PHOSPHO2: variants seen among roughly 807,000 people sequenced by gnomAD.
PHOSPHO2 encodes the protein phosphatase, orphan 2.
Under a neutral mutation model 16.4 loss-of-function variants are expected in PHOSPHO2, and 14 were observed. The ratio of observed to expected loss-of-function variants is 0.85; its 90% CI spans 0.56 to 1.33. The LOEUF is 1.33. PHOSPHO2 is among the 40% of genes most tolerant of loss of function. The pLI, the probability that PHOSPHO2 is intolerant of heterozygous loss-of-function variation, is 0.00. For missense variants in PHOSPHO2, 246 were observed against 282.5 expected (o/e 0.87, Z 0.93); for synonymous variants, 85 against 90.5 (o/e 0.94, Z 0.34).
At chr2:169,697,078 C>T (rs946024166) in intron 2 of PHOSPHO2, among the ~76,000 whole-genome samples, 2 of 151,560 alleles carry the variant, frequency 1.3e-5, no homozygotes, top group East Asian at 1.9e-4. Context: ...TGCAGTGGCG[C>T]GATCTCGGCT....
At chr2:169,698,043 T>TA (rs1160256318) in intron 3 of PHOSPHO2, 1 of 152,228 alleles carries the variant, frequency 6.6e-6, no homozygotes, top group Non-Finnish European at 1.5e-5. Flanking sequence ...ACAGAATACT[T>TA]AGTCTTATGT....
chr2:169,699,505 A>T (rs1047791648), intron 3 of PHOSPHO2, among the ~76,000 whole-genome samples: 1 of 152,318 alleles, frequency 6.6e-6, no homozygotes, highest in East Asian at 1.9e-4. Flanking sequence ...TATCTTTATA[A>T]TAGAATGATT....
At chr2:169,695,270 A>G (rs1008972487) in intron 2 of PHOSPHO2, 23 bp downstream of exon 2, 3 of 152,250 alleles carry the variant, frequency 2.0e-5, no homozygotes, top group African/African-American at 7.2e-5. Flanking sequence ...TAATTAAGAA[A>G]ATATTTGAAG....
rs1687434572 is a variant in PHOSPHO2 at position 169,694,581 on chromosome 2, G to T, written c.-272G>T. ...CGAGGCCAAAGGACTGAACCCGCAG[G>T]AGCGTCACGGGCGCCGGGGCGGCTG... On this transcript the variant is annotated 5_prime_UTR_variant, in exon 1 of 4. Coordinates refer to ENST00000359744, the MANE Select transcript of PHOSPHO2 (RefSeq NM_001008489.4). The T allele has an allele frequency of 8.7e-6, 5 of 571,644 alleles. No homozygotes were observed. The South Asian group carries it at 1.0e-4, about 12-fold the overall frequency. The allele number at this position is 571,644 out of a possible 1,614,324, so 35.4% of individuals were successfully genotyped here.
chr2:169,701,470 C>T lies in PHOSPHO2; in HGVS notation c.499C>T (p.Gln167Ter), dbSNP rs1241121380. The T allele has an allele frequency of 6.2e-7, 1 of 1,612,484 alleles. No individual in the cohort carries two copies. Among genetic ancestry groups the T allele is most frequent in the Non-Finnish European group, 8.5e-7 (1 of 1,179,546 alleles). Residue 167 changes from glutamine to a stop codon, truncating the protein, a stop_gained, in exon 4 of 4, where the codon CAG (glutamine) becomes TAG (stop). Transcript: ENST00000359744. LOFTEE classifies it high-confidence loss of function. ...AGAATTTGTAGATAAACAGTTACAACAGGGAGTGAATTATACACAAATTGT... is the reference window on the plus strand; with the variant it reads ...AGAATTTGTAGATAAACAGTTACAATAGGGAGTGAATTATACACAAATTGT... The part of the protein sequence containing the change: ...LIEFVDKQLQ[Q>*]GVNYTQIVYI...
intron 3 of PHOSPHO2, among the ~76,000 whole-genome samples, chr2:169,698,470 A>G (rs939456982): frequency 2.0e-5 from 3 of 152,176 alleles, no homozygotes; most frequent in Non-Finnish European, 4.4e-5. Flanking sequence ...TCCAGCTTAT[A>G]TATCTTTAAG....
rs531031855 is a variant in PHOSPHO2, at chr2:169,699,803, T to C, written c.-26-1143T>C. Reference sequence around the variant, plus strand: ...AGTGATGTTGAGCTTTTTTTTCATATATTTCTTGGGCACATGTATTGTCTT... The same window carrying C: ...AGTGATGTTGAGCTTTTTTTTCATACATTTCTTGGGCACATGTATTGTCTT... On this transcript the variant is annotated intron_variant, in intron 3 of 3. Transcript: ENST00000359744. Among the ~76,000 whole-genome samples, 5 of 152,288 alleles carry C rather than the reference T, an allele frequency of 3.3e-5. No homozygotes were observed. The East Asian group carries it at 5.8e-4, about 18-fold the overall frequency.
Position 169,701,146 on chromosome 2 carries a change from G to C in PHOSPHO2, c.175G>C (p.Gly59Arg), listed in dbSNP as rs139547366. Residue 59 changes from glycine (G) to arginine (R), a missense_variant, in exon 4 of 4, where the codon GGT becomes CGT. Physicochemically the swap from Gly to Arg is moderately radical, Grantham distance 125. Coordinates refer to ENST00000359744, the MANE Select transcript of PHOSPHO2 (RefSeq NM_001008489.4). ...GRVFKYLGDK[G>R]VREHEMKRAV... Reference sequence around the variant, plus strand: ...AGTCTTTAAGTATTTGGGAGATAAGGGTGTAAGAGAACATGAAATGAAAAG... The same window carrying C: ...AGTCTTTAAGTATTTGGGAGATAAGCGTGTAAGAGAACATGAAATGAAAAG... 206 of 1,613,860 alleles carry C rather than the reference G, an allele frequency of 1.3e-4. No homozygotes were observed. The highest frequency in any genetic ancestry group is 1.4e-4 in the Non-Finnish European group (161 of 1,179,954).
At chr2:169,694,864 G>A (rs2105586848) in intron 1 of PHOSPHO2, 1 of 181,084 alleles carries the variant, frequency 5.5e-6, no homozygotes, top group East Asian at 1.2e-4. Context: ...CATAAACGCT[G>A]TTTTTTTAAT....
In PHOSPHO2 at chr2:169,701,067, T is replaced by C. The variant is rs763609139; in HGVS notation, c.96T>C (p.Pro32=). 3.7e-6 allele frequency: 6 copies of C among 1,613,896 alleles called. No individual in the cohort carries two copies. The change falls in exon 4 of 4, where the codon CCT becomes CCC. Residue 32 remains proline, a synonymous_variant. Transcript: ENST00000359744. ...IVQCAPNKKL[P]IELRDSYRKG... ...AATGTGCTCCCAACAAAAAGCTTCC[T>C]ATTGAACTACGTGATTCTTATCGAA...
intron 2 of PHOSPHO2, among the ~76,000 whole-genome samples, chr2:169,697,142 A>C (rs1480479606): frequency 6.6e-6 from 1 of 151,912 alleles, no homozygotes; most frequent in African/African-American, 2.4e-5. Flanking sequence ...CAGTCTCCCA[A>C]GTAGCTAGGA....
In PHOSPHO2 at chr2:169,701,130, G is replaced by A; in HGVS notation, c.159G>A (p.Lys53=). 1 of 1,614,046 alleles carries A rather than the reference G, an allele frequency of 6.2e-7. No individual in the cohort carries two copies. The highest frequency in any genetic ancestry group is 1.7e-4 in the Middle Eastern group (1 of 6,060). The change falls in exon 4 of 4, where the codon AAG becomes AAA. Residue 53 remains lysine (K), a synonymous_variant. Transcript: ENST00000359744. ...FWTEFMGRVF[K]YLGDKGVREH... ...CAGAATTTATGGGCAGAGTCTTTAA[G>A]TATTTGGGAGATAAGGGTGTAAGAG... is the stretch of plus-strand genomic sequence containing the variant.
intron 3 of PHOSPHO2, chr2:169,698,292 C>T (rs949206579): frequency 6.6e-6 from 1 of 152,096 alleles, no homozygotes; most frequent in Non-Finnish European, 1.5e-5. Context: ...AATTAAATAT[C>T]TTTCTGCCAA....
Position 169,701,398 on chromosome 2 carries a change from T to G in PHOSPHO2, c.427T>G (p.Ser143Ala), listed in dbSNP as rs1290233223. 1 of 1,613,606 alleles carries G rather than the reference T, an allele frequency of 6.2e-7. No homozygotes were observed. Among genetic ancestry groups the G allele is most frequent in the South Asian group, 1.1e-5 (1 of 90,912 alleles). ...CACTGTTGAAAATTATCATACTCAT[T>G]CTTGCAATAGATGCCCAAAGAATCT... Reference protein sequence around the residue: ...HLTVENYHTHSCNRCPKNLCK... With the variant: ...HLTVENYHTHACNRCPKNLCK... Residue 143 changes from serine (S) to alanine (A), a missense_variant, in exon 4 of 4, where the codon TCT becomes GCT. Coordinates refer to ENST00000359744, the MANE Select transcript of PHOSPHO2 (RefSeq NM_001008489.4).
At chr2:169,695,290 A>G (rs1042904816) in intron 2 of PHOSPHO2, 43 bp downstream of exon 2, 3 of 152,360 alleles carry the variant, frequency 2.0e-5, no homozygotes, top group Non-Finnish European at 2.9e-5. Context: ...GACAGAAATT[A>G]GTTTGTGCAC....
chr2:169,701,068 A>G lies in PHOSPHO2; in HGVS notation c.97A>G (p.Ile33Val). 1 of 1,614,010 alleles carries G rather than the reference A, an allele frequency of 6.2e-7. No individual in the cohort carries two copies. The highest frequency in any genetic ancestry group is 8.5e-7 in the Non-Finnish European group (1 of 1,179,972). Reference protein sequence around the residue: ...VQCAPNKKLPIELRDSYRKGF... With the variant: ...VQCAPNKKLPVELRDSYRKGF... Reference sequence around the variant, plus strand: ...ATGTGCTCCCAACAAAAAGCTTCCTATTGAACTACGTGATTCTTATCGAAA... The same window carrying G: ...ATGTGCTCCCAACAAAAAGCTTCCTGTTGAACTACGTGATTCTTATCGAAA... Residue 33 changes from isoleucine to valine, a missense_variant, in exon 4 of 4, where the codon ATT (isoleucine) becomes GTT (valine). Transcript: ENST00000359744.
At chr2:169,696,353 G>T (rs773992018) in intron 2 of PHOSPHO2, among the ~76,000 whole-genome samples, 9 of 152,194 alleles carry the variant, frequency 5.9e-5, no homozygotes, top group Admixed American at 2.0e-4. Flanking sequence ...GTGAACTACG[G>T]TTGAACCAAC....
chr2:169,701,663 TA>T lies in PHOSPHO2; in HGVS notation c.694del (p.Ile232PhefsTer7), dbSNP rs1423061717. On this transcript the variant is annotated frameshift_variant, in exon 4 of 4. Transcript: ENST00000359744. LOFTEE classifies it high-confidence loss of function. Reference sequence around the variant, plus strand: ...GTAGTTTGGTCCTCAGGTGTTGATATAATTTCTCATTTACAATTTCTAATAA... The same window carrying T: ...GTAGTTTGGTCCTCAGGTGTTGATATATTTCTCATTTACAATTTCTAATAA... ...SVVVWSSGVD[I>X]ISHLQFLIKD 1 of 1,560,032 alleles carries T rather than the reference TA, an allele frequency of 6.4e-7. No homozygotes were observed. Among genetic ancestry groups the T allele is most frequent in the Admixed American group, 1.9e-5 (1 of 52,684 alleles).
chr2:169,694,481 C>A lies in PHOSPHO2; in HGVS notation c.-372C>A. 1.3e-6 allele frequency: 1 copy of A among 744,540 alleles called. No homozygotes were observed. Among genetic ancestry groups the A allele is most frequent in the Non-Finnish European group, 2.3e-6 (1 of 427,606 alleles). 46.1% of individuals were successfully genotyped at this position (744,540 alleles called of 1,614,324 possible). On this transcript the variant is annotated 5_prime_UTR_variant, in exon 1 of 4. Transcript: ENST00000359744. ...CAAGGGAGGTGCTGCAGTTGGCGGT[C>A]GGGCTAGAGAAGAGAGGCGCCTGCG...
Sources: allele counts gnomAD v4.1 joint callset (sites outside exome capture counted in the v4.1 genomes callset), GRCh38; gene constraint gnomAD v4.1.1; transcripts MANE v1.5; gene names NCBI Gene and HGNC (gene_info 2026-07-23, HGNC 2026-07-21).